DCDC1: variants seen among roughly 807,000 people sequenced by gnomAD.
The protein encoded by DCDC1 is doublecortin domain-containing protein 1.
In DCDC1, 200 loss-of-function variants were observed where a neutral mutation model predicts 178.3. The ratio of observed to expected loss-of-function variants is 1.12; its 90% CI spans 1.00 to 1.26. The LOEUF (loss-of-function observed/expected upper bound fraction) is 1.26. Among genes scored for constraint, DCDC1 ranks in the 50% most tolerant of loss-of-function variants. The probability of loss-of-function intolerance (pLI) is 0.00; values close to 1 mark genes in which losing one functional copy is unlikely to be tolerated. For synonymous variants in DCDC1, 690 were observed against 604.8 expected (o/e 1.14, Z -2.07); for missense variants, 1,983 against 1,749.2 (o/e 1.13, Z -2.38).
rs376169976 is a variant in DCDC1 at position 30,931,947 on chromosome 11, A to G, written c.2721T>C (p.Phe907=). The G allele has an allele frequency of 3.7e-6, 6 of 1,601,714 alleles. No homozygotes were observed. The highest frequency in any genetic ancestry group is 2.2e-5 in the East Asian group (1 of 44,708). ...VLPSGQLNEE[F]DWPIQGLLVP... ...CAAGCAGTCCTTGTATTGGCCAATC[A>G]AACTCCTTCAGAAAGAAATGACAAA... The change falls in exon 22 of 39, where the codon TTT becomes TTC. Residue 907 remains phenylalanine, a synonymous_variant. Coordinates refer to ENST00000684477, the MANE Select transcript of DCDC1 (RefSeq NM_001387274.1).
At chr11:31,083,006 T>G (rs1957279287) in intron 17 of DCDC1, among the ~76,000 whole-genome samples, 1 of 152,224 alleles carries the variant, frequency 6.6e-6, no homozygotes, top group African/African-American at 2.4e-5. Flanking sequence ...TCTAATGGTG[T>G]AACCTATATG....
At chr11:31,358,490 A>G (rs1026310794) in intron 1 of DCDC1, among the ~76,000 whole-genome samples, 1 of 151,448 alleles carries the variant, frequency 6.6e-6, no homozygotes, top group African/African-American at 2.4e-5. Flanking sequence ...AAACCCTAGA[A>G]GAAAACCTAG....
At chr11:31,350,013 C>A (rs534380972) in intron 1 of DCDC1, among the ~76,000 whole-genome samples, 1 of 152,078 alleles carries the variant, frequency 6.6e-6, no homozygotes. Context: ...TGTATATATA[C>A]CTTTGACCAC....
intron 21 of DCDC1, among the ~76,000 whole-genome samples, chr11:30,944,700 C>A (rs1947890799): frequency 6.6e-6 from 1 of 152,144 alleles, no homozygotes; most frequent in Non-Finnish European, 1.5e-5. Context: ...CTTCCTCAGA[C>A]ATTTCAATAA....
intron 21 of DCDC1, among the ~76,000 whole-genome samples, chr11:30,935,734 A>T: frequency 6.6e-6 from 1 of 152,200 alleles, no homozygotes; most frequent in East Asian, 1.9e-4. Context: ...TTGTATTTTT[A>T]GTAGAGATGG....
chr11:30,916,671 G>A (rs273610), intron 26 of DCDC1, among the ~76,000 whole-genome samples, 199 bp downstream of exon 26: 93,481 of 151,912 alleles, frequency 0.62, 29,562 homozygotes, highest in Middle Eastern at 0.77. Flanking sequence ...ATTATACACT[G>A]AACAAAATAA....
rs991353741 is a variant in DCDC1 at position 30,994,655 on chromosome 11, ATAT to A, written c.2592-42090_2592-42088del. On this transcript the variant is annotated intron_variant, in intron 20 of 38. Transcript: ENST00000684477. ...TTATATATTTATTATAATATATAAC[ATAT>A]TATTATATAATATATAATATATAAC... Among the ~76,000 whole-genome samples, 20 of 145,368 alleles carry A rather than the reference ATAT, an allele frequency of 1.4e-4. No individual in the cohort carries two copies. In the South Asian group the frequency reaches 1.9e-3, roughly 14 times the overall value.
At chr11:30,900,265 C>A (rs1944560652) in intron 33 of DCDC1, 81 bp downstream of exon 33, 12 of 1,241,114 alleles carry the variant, frequency 9.7e-6, no homozygotes, top group Non-Finnish European at 1.3e-5. Flanking sequence ...ACATTTAATT[C>A]ATTTTCTTAT....
chr11:31,027,058 C>T (rs1953289628), intron 20 of DCDC1, among the ~76,000 whole-genome samples: 1 of 151,710 alleles, frequency 6.6e-6, no homozygotes, highest in Non-Finnish European at 1.5e-5. Context: ...GTTACTATTA[C>T]ATAAGTACTA....
At chr11:31,245,174 A>G (rs1246056398) in intron 8 of DCDC1, among the ~76,000 whole-genome samples, 1 of 149,706 alleles carries the variant, frequency 6.7e-6, no homozygotes, top group Non-Finnish European at 1.5e-5. Context: ...TCCCTCCTCT[A>G]TGCCTCCCAT....
chr11:31,123,043 G>A (rs375486240), intron 11 of DCDC1, among the ~76,000 whole-genome samples: 1 of 151,910 alleles, frequency 6.6e-6, no homozygotes, highest in South Asian at 2.1e-4. Context: ...CAAACATAAA[G>A]GTGTCACTAT....
intron 9 of DCDC1, among the ~76,000 whole-genome samples, chr11:31,235,805 C>T (rs182719555): frequency 3.9e-4 from 59 of 151,956 alleles, no homozygotes; most frequent in African/African-American, 1.3e-3. Context: ...CCATTTGAAA[C>T]GTAAGTTGGC....
At chr11:31,157,900 T>C (rs2136141630) in intron 9 of DCDC1, among the ~76,000 whole-genome samples, 1 of 152,300 alleles carries the variant, frequency 6.6e-6, no homozygotes, top group South Asian at 2.1e-4. Flanking sequence ...GAAAAACACT[T>C]GTTTTTATTT....
intron 15 of DCDC1, among the ~76,000 whole-genome samples, chr11:31,100,576 G>A (rs1958441313): frequency 6.6e-6 from 1 of 152,168 alleles, no homozygotes; most frequent in African/African-American, 2.4e-5. Flanking sequence ...GGTAATGGCT[G>A]GGGGTATATC....
At chr11:30,936,317 C>T (rs1458142797) in intron 21 of DCDC1, among the ~76,000 whole-genome samples, 1 of 152,130 alleles carries the variant, frequency 6.6e-6, no homozygotes, top group Non-Finnish European at 1.5e-5. Context: ...TGTCCTAATC[C>T]TAATGAGTGC....
intron 38 of DCDC1, among the ~76,000 whole-genome samples, chr11:30,875,580 A>G (rs889027422): frequency 2.0e-5 from 3 of 152,168 alleles, no homozygotes; most frequent in Non-Finnish European, 4.4e-5. Flanking sequence ...GTGAATCACA[A>G]ATCTCTCAAT....
In DCDC1 at chr11:30,894,266, T is replaced by C; in HGVS notation, c.4884A>G (p.Glu1628=). 1 of 1,613,780 alleles carries C rather than the reference T, an allele frequency of 6.2e-7. No homozygotes were observed. The highest frequency in any genetic ancestry group is 8.5e-7 in the Non-Finnish European group (1 of 1,179,782). ...EQTQQEIKLM[E]LIRHTEAHLS... ...AACATACCTCTGTATGTCTTATAAG[T>C]TCCATGAGTTTAATTTCCTGTTGAG... is the stretch of plus-strand genomic sequence containing the variant. The change falls in exon 35 of 39, where the codon GAA becomes GAG. Residue 1628 remains glutamate (E), a synonymous_variant. Coordinates refer to ENST00000684477, the MANE Select transcript of DCDC1 (RefSeq NM_001387274.1).
chr11:31,123,419 G>T (rs1961099450), intron 11 of DCDC1, among the ~76,000 whole-genome samples: 1 of 151,960 alleles, frequency 6.6e-6, no homozygotes, highest in Non-Finnish European at 1.5e-5. Flanking sequence ...TTAAATAATG[G>T]CTATATAAAA....
At chr11:31,149,838 A>T (rs771384609) in intron 9 of DCDC1, among the ~76,000 whole-genome samples, 7 of 152,028 alleles carry the variant, frequency 4.6e-5, no homozygotes, top group African/African-American at 1.4e-4. Context: ...GAAGGAACAA[A>T]CTCCGGACAC....
Sources: allele counts gnomAD v4.1 joint callset (sites outside exome capture counted in the v4.1 genomes callset), GRCh38; gene constraint gnomAD v4.1.1; transcripts MANE v1.5; gene names NCBI Gene and HGNC (gene_info 2026-07-23, HGNC 2026-07-21).